The following CNTN5 variants were observed in gnomAD, a reference collection of about 807,000 sequenced individuals.
The protein encoded by CNTN5 is contactin 5.
In CNTN5, 77 loss-of-function variants were observed where a neutral mutation model predicts 129.1. That is an observed-to-expected ratio of 0.60 (90% CI 0.50 to 0.72). The LOEUF is 0.72. Ranked by LOEUF, CNTN5 falls within the 30% of genes least tolerant of loss-of-function variation. The probability of loss-of-function intolerance (pLI) is 0.00; values close to 1 mark genes in which losing one functional copy is unlikely to be tolerated. For synonymous variants in CNTN5, 509 were observed against 465.6 expected (o/e 1.09, Z -1.20); for missense variants, 1,478 against 1,328.8 (o/e 1.11, Z -1.75).
chr11:99,969,766 A>C (rs879115843), intron 8 of CNTN5, among the ~76,000 whole-genome samples: 9 of 152,130 alleles, frequency 5.9e-5, no homozygotes, highest in Admixed American at 2.0e-4. Flanking sequence ...CAAATCAGTC[A>C]TTCCATGTAC....
At chr11:99,680,546 G>A in intron 3 of CNTN5, among the ~76,000 whole-genome samples, 1 of 151,688 alleles carries the variant, frequency 6.6e-6, no homozygotes, top group Non-Finnish European at 1.5e-5. Context: ...CAGAAAAAAA[G>A]ACTCATTTCA....
intron 9 of CNTN5, among the ~76,000 whole-genome samples, chr11:100,025,041 A>G (rs902333870): frequency 3.3e-5 from 5 of 152,198 alleles, no homozygotes. Flanking sequence ...AATGGGGAAA[A>G]TGTCTCCAGG....
intron 6 of CNTN5, among the ~76,000 whole-genome samples, chr11:99,914,976 T>G (rs1004808263): frequency 6.6e-6 from 1 of 152,102 alleles, no homozygotes; most frequent in South Asian, 2.1e-4. Context: ...AATATTAAAT[T>G]TGAAGCTCTA....
At chr11:100,222,174 C>T (rs1949278439) in intron 15 of CNTN5, among the ~76,000 whole-genome samples, 1 of 152,010 alleles carries the variant, frequency 6.6e-6, no homozygotes, top group Non-Finnish European at 1.5e-5. Context: ...AGAATTGGGC[C>T]CAAAATGAGA....
At chr11:99,806,222 G>A (rs1946265055) in intron 3 of CNTN5, among the ~76,000 whole-genome samples, 1 of 151,924 alleles carries the variant, frequency 6.6e-6, no homozygotes, top group Admixed American at 6.6e-5. Context: ...ACACAGTATT[G>A]TACCTGACCT....
At chr11:100,347,060 A>ATTGTGGGAGG (rs1565443514) in intron 23 of CNTN5, among the ~76,000 whole-genome samples, 1 of 152,158 alleles carries the variant, frequency 6.6e-6, no homozygotes, top group African/African-American at 2.4e-5. Flanking sequence ...GGTCCCTCCC[A>ATTGTGGGAGG]TAACATGTGG....
intron 1 of CNTN5, among the ~76,000 whole-genome samples, chr11:99,185,894 GAAATA>G (rs1249047569): frequency 7.7e-6 from 1 of 129,840 alleles, no homozygotes; most frequent in Non-Finnish European, 1.7e-5. Flanking sequence ...TTAAGGAGAG[GAAATA>G]AAATAAAGAG....
chr11:99,164,595 A>G (rs537398325), intron 1 of CNTN5, among the ~76,000 whole-genome samples: 16 of 152,292 alleles, frequency 1.1e-4, no homozygotes, highest in South Asian at 6.2e-4. Context: ...GCTTAAATTC[A>G]GAGTAAAATT....
At chr11:100,303,090 C>A (rs1951265711) in intron 20 of CNTN5, among the ~76,000 whole-genome samples, 1 of 151,480 alleles carries the variant, frequency 6.6e-6, no homozygotes, top group Non-Finnish European at 1.5e-5. Flanking sequence ...ATGACTCTGT[C>A]AGTGCCAAGC....
intron 1 of CNTN5, among the ~76,000 whole-genome samples, chr11:99,093,990 GATAAT>G (rs966859520): frequency 2.0e-5 from 3 of 151,748 alleles, no homozygotes; most frequent in African/African-American, 4.8e-5. Context: ...TAACATATAA[GATAAT>G]ATAATATAGT....
intron 3 of CNTN5, among the ~76,000 whole-genome samples, chr11:99,737,679 A>C (rs1943755424): frequency 6.6e-6 from 1 of 152,152 alleles, no homozygotes; most frequent in Admixed American, 6.6e-5. Flanking sequence ...AATTTATTCT[A>C]TTTAAAATTG....
At chr11:99,660,666 T>C (rs1225618705) in intron 3 of CNTN5, among the ~76,000 whole-genome samples, 1 of 152,046 alleles carries the variant, frequency 6.6e-6, no homozygotes, top group East Asian at 1.9e-4. Flanking sequence ...AAGAAAATAA[T>C]GGGATAAAGA....
intron 13 of CNTN5, among the ~76,000 whole-genome samples, chr11:100,179,967 T>A (rs1948086065): frequency 6.6e-6 from 1 of 151,960 alleles, no homozygotes; most frequent in Non-Finnish European, 1.5e-5. Flanking sequence ...ACTGGAGAAT[T>A]CTACCAAACA....
chr11:99,361,212 A>G (rs1351796157), intron 2 of CNTN5, among the ~76,000 whole-genome samples: 1 of 152,164 alleles, frequency 6.6e-6, no homozygotes, highest in Admixed American at 6.5e-5. Context: ...GGTTTTCTCT[A>G]TAGCTCTTCT....
intron 2 of CNTN5, among the ~76,000 whole-genome samples, chr11:99,537,496 A>G (rs1210573317): frequency 1.3e-5 from 2 of 152,142 alleles, no homozygotes; most frequent in Non-Finnish European, 2.9e-5. Context: ...ACCCAATGGA[A>G]ATAATAGATG....
At chr11:100,118,771 T>G (rs1945920446) in intron 13 of CNTN5, among the ~76,000 whole-genome samples, 1 of 151,860 alleles carries the variant, frequency 6.6e-6, no homozygotes, top group Non-Finnish European at 1.5e-5. Flanking sequence ...GTTTTCTCTT[T>G]TCAAGAATAC....
chr11:99,681,338 A>C (rs544861446), intron 3 of CNTN5, among the ~76,000 whole-genome samples: 1 of 143,744 alleles, frequency 7.0e-6, no homozygotes, highest in African/African-American at 3.0e-5. Flanking sequence ...ACTACTAAGA[A>C]TTTTTTTGTG....
intron 3 of CNTN5, among the ~76,000 whole-genome samples, chr11:99,669,872 C>G (rs1336360521): frequency 2.0e-5 from 3 of 152,100 alleles, no homozygotes; most frequent in African/African-American, 7.2e-5. Flanking sequence ...TTTAATGCAT[C>G]TATCATAAGC....
Position 99,286,521 on chromosome 11 carries a change from G to C in CNTN5, c.-209-38825G>C, listed in dbSNP as rs144940508. 2.0e-5 allele frequency among the ~76,000 whole-genome samples: 3 copies of C among 152,158 alleles called. No individual in the cohort carries two copies. The East Asian group carries it at 5.8e-4, about 29-fold the overall frequency. On this transcript the variant is annotated intron_variant, in intron 1 of 24. Coordinates refer to ENST00000524871, the MANE Select transcript of CNTN5 (RefSeq NM_014361.4). Reference sequence around the variant, plus strand: ...AGTAGGAGACTTAATGTTAAAAATGGTATTTAAATAAGTCTAGTTATTTAA... The same window carrying C: ...AGTAGGAGACTTAATGTTAAAAATGCTATTTAAATAAGTCTAGTTATTTAA...
Sources: gnomAD v4.1 joint callset for allele counts (sites outside exome capture counted in the v4.1 genomes callset) on GRCh38, gnomAD v4.1.1 for gene constraint, MANE v1.5 for transcripts, NCBI Gene and HGNC (gene_info 2026-07-23, HGNC 2026-07-21) for gene names.